CDH6: variants seen among roughly 807,000 people sequenced by gnomAD.
CDH6 encodes cadherin-6.
CDH6 carries 31 observed loss-of-function variants against 78.0 expected under a neutral mutation model. That is an observed-to-expected ratio of 0.40 (90% CI 0.30 to 0.54). The LOEUF (loss-of-function observed/expected upper bound fraction) is 0.54, where lower values mean the gene tolerates loss of function less well. Among genes scored for constraint, CDH6 ranks in the 20% least tolerant of loss-of-function variants. CDH6 has a pLI of 0.56. For synonymous variants in CDH6, 376 were observed against 368.8 expected, an observed-to-expected ratio of 1.02 and a Z score of -0.23; for missense variants, 724 against 975.9, an observed-to-expected ratio of 0.74 and a Z score of 3.44.
Position 31,328,054 on chromosome 5 carries a change from G to T in CDH6, c.*4746G>T, listed in dbSNP as rs1004094310. 9.2e-6 allele frequency: 2 copies of T among 216,290 alleles called. No homozygotes were observed. Among genetic ancestry groups the T allele is most frequent in the Admixed American group, 1.2e-4 (2 of 17,164 alleles). 13.4% of individuals were successfully genotyped at this position (216,290 alleles called of 1,614,324 possible). ...AGCCGGCAGATGAAAGTGTTGAAAA[G>T]AGGTCAAATGGAAACAAAGGCTCTT... is the stretch of plus-strand genomic sequence containing the variant. On this transcript the variant is annotated 3_prime_UTR_variant, in exon 12 of 12. Coordinates refer to ENST00000265071, the MANE Select transcript of CDH6 (RefSeq NM_004932.4).
chr5:31,201,992 C>T (rs2111776184), intron 1 of CDH6, among the ~76,000 whole-genome samples: 1 of 152,206 alleles, frequency 6.6e-6, no homozygotes, highest in East Asian at 1.9e-4. Flanking sequence ...GTGAATTTGC[C>T]CACTTGATTA....
chr5:31,279,118 C>A (rs947318403), intron 2 of CDH6, among the ~76,000 whole-genome samples: 17 of 152,116 alleles, frequency 1.1e-4, no homozygotes, highest in Non-Finnish European at 1.6e-4. Context: ...TTCAGGGCAC[C>A]AACCTGCATA....
chr5:31,292,792 T>G (rs1461233618), intron 2 of CDH6, among the ~76,000 whole-genome samples: 7 of 148,064 alleles, frequency 4.7e-5, no homozygotes, highest in African/African-American at 1.8e-4. Flanking sequence ...TATATGTATA[T>G]ATATGTGTGT....
At chr5:31,265,713 G>A (rs374640397) in intron 1 of CDH6, among the ~76,000 whole-genome samples, 6 of 149,970 alleles carry the variant, frequency 4.0e-5, no homozygotes, top group East Asian at 2.0e-4. Context: ...ATTATATTCC[G>A]AATTACAAAA....
Position 31,212,647 on chromosome 5 carries a change from T to C in CDH6, c.-129+18761T>C, listed in dbSNP as rs547454891. 5.3e-5 allele frequency among the ~76,000 whole-genome samples: 8 copies of C among 152,280 alleles called. No individual in the cohort carries two copies. In the East Asian group the frequency reaches 1.5e-3, roughly 29 times the overall value. ...TGTGAAGAAGTTTGTCATCTTGGCC[T>C]GAGGGTATTACTCTAACCTGTTTGC... On this transcript the variant is annotated intron_variant, in intron 1 of 11. Transcript: ENST00000265071.
chr5:31,237,509 TA>T (rs1275368739), intron 1 of CDH6, among the ~76,000 whole-genome samples: 1 of 152,176 alleles, frequency 6.6e-6, no homozygotes, highest in Non-Finnish European at 1.5e-5. Context: ...TAAGGAGGTT[TA>T]TTCCTCACCA....
intron 1 of CDH6, among the ~76,000 whole-genome samples, chr5:31,237,803 G>A (rs1040322559): frequency 2.0e-5 from 3 of 152,148 alleles, no homozygotes; most frequent in Non-Finnish European, 2.9e-5. Context: ...AAGTAGCAGC[G>A]AACAGAATGC....
intron 5 of CDH6, among the ~76,000 whole-genome samples, chr5:31,300,094 C>T (rs1234303863): frequency 2.0e-5 from 3 of 152,142 alleles, no homozygotes; most frequent in Non-Finnish European, 4.4e-5. Context: ...GGTACTTAAT[C>T]CATTTGTAAT....
At position 31,227,222 on chromosome 5, in the gene CDH6, C is replaced by T. The variant is rs190840736; in HGVS notation, c.-129+33336C>T. Among the ~76,000 whole-genome samples the T allele has an allele frequency of 2.9e-3, 436 of 152,214 alleles. 3 individuals are homozygous for T. The highest frequency in any genetic ancestry group is 9.8e-3 in the African/African-American group (409 of 41,540). On this transcript the variant is annotated intron_variant, in intron 1 of 11. Transcript: ENST00000265071. ...GGCGAGAGACAAGGAAAGGAACGTA[C>T]GGCGGGAAAGCACCTCCGCCCGTCA...
chr5:31,293,451 C>T (rs1737475235), intron 2 of CDH6, among the ~76,000 whole-genome samples: 1 of 152,044 alleles, frequency 6.6e-6, no homozygotes, highest in Non-Finnish European at 1.5e-5. Flanking sequence ...CCAAGCTTCC[C>T]TAAATTCACC....
chr5:31,307,265 C>T (rs971166904), intron 7 of CDH6, among the ~76,000 whole-genome samples: 1 of 152,142 alleles, frequency 6.6e-6, no homozygotes, highest in African/African-American at 2.4e-5. Flanking sequence ...CTAGCTGCTA[C>T]GTGAAGAATA....
At chr5:31,196,821 A>C (rs1297191043) in intron 1 of CDH6, among the ~76,000 whole-genome samples, 5 of 152,148 alleles carry the variant, frequency 3.3e-5, no homozygotes, top group Admixed American at 6.5e-5. Context: ...TTAATAAAGA[A>C]TTTACCATCA....
At position 31,323,092 on chromosome 5, in the gene CDH6, G is replaced by T. The variant is rs779504531; in HGVS notation, c.2157G>T (p.Arg719Ser). 6.2e-7 allele frequency: 1 copy of T among 1,614,180 alleles called. No individual in the cohort carries two copies. The highest frequency in any genetic ancestry group is 1.3e-5 in the African/African-American group (1 of 75,046). Residue 719 changes from arginine (R) to serine (S), a missense_variant, in exon 12 of 12, where the codon AGG becomes AGT. Arg to Ser is a moderately radical substitution (Grantham distance 110). Coordinates refer to ENST00000265071, the MANE Select transcript of CDH6 (RefSeq NM_004932.4). The part of the protein sequence containing the change: ...NTDVRDFINQ[R>S]LKENDTDPTA... ...ATGTCAGAGATTTCATTAACCAAAG[G>T]TTAAAGGAAAATGACACGGACCCCA...
rs191103507 is a variant in CDH6 at position 31,212,094 on chromosome 5, T to C, written c.-129+18208T>C. 6.0e-3 allele frequency among the ~76,000 whole-genome samples: 909 copies of C among 152,350 alleles called. 4 individuals carry two copies. Among genetic ancestry groups the C allele is most frequent in the Non-Finnish European group, 0.01 (704 of 68,028 alleles). On this transcript the variant is annotated intron_variant, in intron 1 of 11. Coordinates refer to ENST00000265071, the MANE Select transcript of CDH6 (RefSeq NM_004932.4). ...TATAAGAACTACCTTGTCCAAAAGA[T>C]GCCCTGTTGGACATTTCTCTCGTGC...
chr5:31,257,983 T>G (rs565707010), intron 1 of CDH6, among the ~76,000 whole-genome samples: 3 of 152,152 alleles, frequency 2.0e-5, no homozygotes, highest in Non-Finnish European at 4.4e-5. Context: ...TCAGTCCCTC[T>G]AAGTCTGTGT....
At chr5:31,240,364 A>G (rs553788491) in intron 1 of CDH6, among the ~76,000 whole-genome samples, 10 of 152,308 alleles carry the variant, frequency 6.6e-5, no homozygotes, top group South Asian at 4.1e-4. Context: ...TGCGGGATTA[A>G]GAGGACCTCC....
intron 1 of CDH6, among the ~76,000 whole-genome samples, chr5:31,208,471 G>A (rs956555256): frequency 5.3e-5 from 8 of 152,190 alleles, no homozygotes; most frequent in Admixed American, 5.2e-4. Context: ...CCAAATGTCT[G>A]AAATAGGGTT....
intron 1 of CDH6, among the ~76,000 whole-genome samples, chr5:31,260,610 G>A (rs1467054566): frequency 6.6e-6 from 1 of 152,220 alleles, no homozygotes; most frequent in African/African-American, 2.4e-5. Flanking sequence ...GGGCAATCCT[G>A]TTAAAATCGC....
At chr5:31,220,106 A>G (rs1452548826) in intron 1 of CDH6, among the ~76,000 whole-genome samples, 1 of 152,212 alleles carries the variant, frequency 6.6e-6, no homozygotes, top group East Asian at 1.9e-4. Flanking sequence ...CACTTCCACA[A>G]TTAAAAACAG....
Sources: gnomAD v4.1 joint callset for allele counts (sites outside exome capture counted in the v4.1 genomes callset) on GRCh38, gnomAD v4.1.1 for gene constraint, MANE v1.5 for transcripts, NCBI Gene and HGNC (gene_info 2026-07-23, HGNC 2026-07-21) for gene names.